Variants in DUSP8 observed in about 807,000 individuals in gnomAD.
The protein encoded by DUSP8 is dual specificity phosphatase 8.
DUSP8 carries 15 observed loss-of-function variants against 38.7 expected under a neutral mutation model. The observed-to-expected ratio is 0.39, with a 90% confidence interval of 0.26 to 0.60. The LOEUF (loss-of-function observed/expected upper bound fraction) is 0.60, where lower values mean the gene tolerates loss of function less well. Among genes scored for constraint, DUSP8 ranks in the 20% least tolerant of loss-of-function variants. The pLI, the probability that DUSP8 is intolerant of heterozygous loss-of-function variation, is 0.56. For missense variants in DUSP8, 768 were observed against 915.0 expected, an observed-to-expected ratio of 0.84 and a Z score of 2.07; for synonymous variants, 458 against 433.9, an observed-to-expected ratio of 1.06 and a Z score of -0.69.
At chr11:1,564,632 G>A (rs942622869) in intron 2 of DUSP8, among the ~76,000 whole-genome samples, 9 of 152,296 alleles carry the variant, frequency 5.9e-5, no homozygotes, top group Middle Eastern at 6.8e-3. Flanking sequence ...CGGTGCCCCC[G>A]CCCTGCAAGC....
upstream of DUSP8, among the ~76,000 whole-genome samples, chr11:1,572,575 AGGCCCCCCGTCACCCG>A (rs1475622699): frequency 6.0e-4 from 91 of 150,438 alleles, 1 homozygote; most frequent in African/African-American, 2.1e-3. This position sits in a 1 kb window ranked among gnomAD's most constrained non-coding sequence, Gnocchi z 4.7. Flanking sequence ...CGCGTCACCC[AGGCCCCCCGTCACCCG>A]GGCCCCCGGC....
rs1249076758 is a variant in DUSP8, at chr11:1,554,529, C to T, written c.*1989G>A. On this transcript the variant is annotated 3_prime_UTR_variant, in exon 7 of 7. Coordinates refer to ENST00000397374, the MANE Select transcript of DUSP8 (RefSeq NM_004420.3). ...CAGTGGCCAACACAGGACCTTCGCC[C>T]CCCTGCTGGCTGCTCACTTTGCGGT... The T allele has an allele frequency of 5.4e-6, 3 of 559,622 alleles. No homozygotes were observed. The highest frequency in any genetic ancestry group is 6.3e-5 in the Admixed American group (1 of 15,764). The allele number at this position is 559,622 out of a possible 1,614,324, so 34.7% of individuals were successfully genotyped here.
rs144327546 is a variant in DUSP8, at chr11:1,558,189, C to T, written c.620G>A (p.Arg207His). 7.5e-5 allele frequency: 120 copies of T among 1,610,274 alleles called. No homozygotes were observed. Among genetic ancestry groups the T allele is most frequent in the Middle Eastern group, 2.1e-4 (1 of 4,692 alleles). ...GTCGTTGATGGGGACCCGCATGAAG[C>T]GGCTCTCGCAGATGAAGTCAGGCTT... ...CPKPDFICES[R>H]FMRVPINDNY... The change falls in exon 5 of 7, where the codon CGC (arginine) becomes CAC (histidine). Residue 207 changes from arginine (R) to histidine (H), a missense_variant. Transcript: ENST00000397374. The surrounding 1 kb of genome is among the most constrained non-coding windows in gnomAD (Gnocchi z 6.3).
intron 2 of DUSP8, among the ~76,000 whole-genome samples, 200 bp downstream of exon 2, chr11:1,565,396 C>T (rs1330286921): frequency 1.3e-5 from 2 of 151,798 alleles, no homozygotes; most frequent in East Asian, 2.0e-4. Flanking sequence ...GGCGGGGGTG[C>T]GGGGGATGCC....
intron 3 of DUSP8, chr11:1,559,318 G>A (rs1174102260): frequency 2.3e-6 from 1 of 436,134 alleles, no homozygotes; most frequent in Non-Finnish European, 4.0e-6. Flanking sequence ...ACCCAGCTGA[G>A]GACGCCGCTA....
intron 2 of DUSP8, among the ~76,000 whole-genome samples, chr11:1,565,306 T>C (rs949840425): frequency 6.6e-6 from 1 of 152,104 alleles, no homozygotes; most frequent in Admixed American, 6.5e-5. Flanking sequence ...CACAGTCCTA[T>C]CTGCGTGGGG....
intron 1 of DUSP8, among the ~76,000 whole-genome samples, chr11:1,568,408 C>A (rs573365927): frequency 2.0e-5 from 3 of 152,248 alleles, no homozygotes; most frequent in African/African-American, 2.4e-5. Flanking sequence ...CTGGCCTTTA[C>A]CTGGCCCTGC....
intron 1 of DUSP8, among the ~76,000 whole-genome samples, chr11:1,568,259 A>G (rs557359665): frequency 1.3e-5 from 2 of 151,994 alleles, no homozygotes; most frequent in Non-Finnish European, 2.9e-5. Flanking sequence ...CCTAGCCTTC[A>G]TGCAGCCCTG....
intron 1 of DUSP8, 34 bp from the exon 2 acceptor site, chr11:1,565,968 G>A (rs1369300317): frequency 1.7e-5 from 12 of 715,124 alleles, no homozygotes; most frequent in Non-Finnish European, 2.6e-5. Context: ...GCAGTGCTGC[G>A]GGCCCCTGGG....
At chr11:1,571,337 C>CA (rs1487412544) in intron 1 of DUSP8, 3 of 152,274 alleles carry the variant, frequency 2.0e-5, no homozygotes, top group African/African-American at 4.8e-5. Flanking sequence ...GGCTGGGCAC[C>CA]CCGGGATGGG....
intron 3 of DUSP8, 128 bp downstream of exon 3, chr11:1,563,723 C>T: frequency 1.0e-6 from 1 of 972,724 alleles, no homozygotes. Flanking sequence ...GATGGTGGGG[C>T]CTCAAGAACC....
rs761883251 is a variant in DUSP8, at chr11:1,557,417, C to T, written c.979G>A (p.Ala327Thr). The T allele has an allele frequency of 6.4e-7, 1 of 1,563,910 alleles. No homozygotes were observed. Among genetic ancestry groups the T allele is most frequent in the Non-Finnish European group, 8.6e-7 (1 of 1,167,372 alleles). ...PEPPPSPAAG[A>T]PLPRLPPPTS... ...GGTGGTGGCAGCCGTGGCAGCGGGGCCCCGGCGGCAGGACTGGGCGGAGGC... is the reference window on the plus strand; with the variant it reads ...GGTGGTGGCAGCCGTGGCAGCGGGGTCCCGGCGGCAGGACTGGGCGGAGGC... Residue 327 changes from alanine (A) to threonine (T), a missense_variant, in exon 7 of 7, where the codon GCC (alanine) becomes ACC (threonine). Physicochemically the swap from Ala to Thr is moderately conservative, Grantham distance 58 (BLOSUM62 0). Coordinates refer to ENST00000397374, the MANE Select transcript of DUSP8 (RefSeq NM_004420.3). This position sits in a 1 kb window ranked among gnomAD's most constrained non-coding sequence, Gnocchi z 9.9.
In DUSP8 at chr11:1,556,825, C is replaced by A; in HGVS notation, c.1571G>T (p.Trp524Leu). The change falls in exon 7 of 7, where the codon TGG becomes TTG. Residue 524 changes from tryptophan (W) to leucine (L), a missense_variant. By Grantham distance (61) the Trp-to-Leu change is moderately conservative. This residue lies in a region of DUSP8 where 474 missense variants were observed against 430.8 expected (regional missense o/e 1.10). Transcript: ENST00000397374. This position sits in a 1 kb window ranked among gnomAD's most constrained non-coding sequence, Gnocchi z 5.2. ...SPGTPSPDGP[W>L]CFSPEGAQGA... is the part of the protein sequence containing the mutation. ...CTGTGCGCCCTCGGGGCTGAAGCACCAGGGCCCGTCGGGCGACGGCGTGCC... is the reference window on the plus strand; with the variant it reads ...CTGTGCGCCCTCGGGGCTGAAGCACAAGGGCCCGTCGGGCGACGGCGTGCC... The A allele has an allele frequency of 8.6e-7, 1 of 1,159,510 alleles. No homozygotes were observed. 71.8% of individuals were successfully genotyped at this position (1,159,510 alleles called of 1,614,324 possible). A position where few individuals can be genotyped will look rare whatever the true frequency, so the allele number is the denominator to read the frequency against.
chr11:1,565,945 AG>A lies in DUSP8; in HGVS notation c.-108-12del. On this transcript the variant is annotated splice_polypyrimidine_tract_variant and intron_variant, in intron 1 of 6. Transcript: ENST00000397374. ...CACATGGTGCTGGACCTGCAGGGAC[AG>A]GGGGATGGTCAGCAGTGCTGCGGGC... is the stretch of plus-strand genomic sequence containing the variant. The A allele has an allele frequency of 1.2e-6, 1 of 851,752 alleles. No homozygotes were observed. Among genetic ancestry groups the A allele is most frequent in the Non-Finnish European group, 1.9e-6 (1 of 530,672 alleles). The allele number at this position is 851,752 out of a possible 1,614,324, so 52.8% of individuals were successfully genotyped here. A position where few individuals can be genotyped will look rare whatever the true frequency, so the allele number is the denominator to read the frequency against.
At chr11:1,568,682 G>A (rs535603846) in intron 1 of DUSP8, among the ~76,000 whole-genome samples, 2 of 152,182 alleles carry the variant, frequency 1.3e-5, no homozygotes, top group East Asian at 1.9e-4. Context: ...CAGCCCCTCC[G>A]CTCCTCTGCC....
Position 1,556,566 on chromosome 11 carries a change from GC to G in DUSP8, c.1829del (p.Gly610AlafsTer54). 7.0e-7 allele frequency: 1 copy of G among 1,424,760 alleles called. No individual in the cohort carries two copies. The highest frequency in any genetic ancestry group is 9.2e-7 in the Non-Finnish European group (1 of 1,088,350). 88.3% of individuals were successfully genotyped at this position (1,424,760 alleles called of 1,614,324 possible). On this transcript the variant is annotated frameshift_variant, in exon 7 of 7. Coordinates refer to ENST00000397374, the MANE Select transcript of DUSP8 (RefSeq NM_004420.3). LOFTEE classifies it high-confidence loss of function. This position sits in a 1 kb window ranked among gnomAD's most constrained non-coding sequence, Gnocchi z 5.2. ...RARGEELAAL[G>X]KQASFSGSVE... ...CGCTGCCCGAGAAGCTCGCCTGCTT[GC>G]CCAGGGCGGCCAGCTCCTCGCCGCG...
At chr11:1,562,121 T>C (rs2133439058) in intron 3 of DUSP8, among the ~76,000 whole-genome samples, 1 of 152,176 alleles carries the variant, frequency 6.6e-6, no homozygotes, top group Admixed American at 6.5e-5. Context: ...GCCCCTCCCA[T>C]GCCCATACTC....
At position 1,557,339 on chromosome 11, in the gene DUSP8, T is replaced by C. The variant is rs1359156577; in HGVS notation, c.1057A>G (p.Ser353Gly). 10 of 1,534,556 alleles carry C rather than the reference T, an allele frequency of 6.5e-6. No homozygotes were observed. The East Asian group carries it at 1.0e-4, about 16-fold the overall frequency. ...GGCGCGGGGGGCTCCCCGCCCGCGC[T>C]CAGGCCGCCCTCCCTGGCAGCCGCA... ...GNAAAREGGL[S>G]AGGEPPAPPT... The change falls in exon 7 of 7, where the codon AGC becomes GGC. Residue 353 changes from serine to glycine, a missense_variant. This residue lies in a region of DUSP8 where 474 missense variants were observed against 430.8 expected (regional missense o/e 1.10). Coordinates refer to ENST00000397374, the MANE Select transcript of DUSP8 (RefSeq NM_004420.3). The surrounding 1 kb of genome is among the most constrained non-coding windows in gnomAD (Gnocchi z 9.9).
rs918291858 is a variant in DUSP8 at position 1,556,351 on chromosome 11, T to C, written c.*167A>G. 1 of 932,082 alleles carries C rather than the reference T, an allele frequency of 1.1e-6. No homozygotes were observed. The highest frequency in any genetic ancestry group is 1.4e-6 in the Non-Finnish European group (1 of 715,684). 57.7% of individuals were successfully genotyped at this position (932,082 alleles called of 1,614,324 possible). The stretch of plus-strand genomic sequence containing the variant: ...AATAGAGCTCGAGGACCACCCGCAC[T>C]GTTGCCAAATCATTGCCAGAATGAA... On this transcript the variant is annotated 3_prime_UTR_variant, in exon 7 of 7. Transcript: ENST00000397374. This position sits in a 1 kb window ranked among gnomAD's most constrained non-coding sequence, Gnocchi z 5.2.
Sources: gnomAD v4.1 joint callset for allele counts (sites outside exome capture counted in the v4.1 genomes callset) on GRCh38, gnomAD v4.1.1 for gene constraint, gnomAD v4.1.1 regional missense constraint, Gnocchi (gnomAD v3.1) non-coding constraint, MANE v1.5 for transcripts, NCBI Gene and HGNC (gene_info 2026-07-23, HGNC 2026-07-21) for gene names.